THNSL1: variants seen among roughly 807,000 people sequenced by gnomAD.
THNSL1 encodes the protein threonine synthase like 1, also known as threonine synthase-like 1.
In THNSL1, 48 loss-of-function variants were observed where a neutral mutation model predicts 50.4. The observed-to-expected ratio is 0.95, with a 90% confidence interval of 0.76 to 1.21. The LOEUF (loss-of-function observed/expected upper bound fraction) is 1.21, where lower values mean the gene tolerates loss of function less well. Among genes scored for constraint, THNSL1 ranks in the 50% most tolerant of loss-of-function variants. THNSL1 has a pLI of 0.00. For synonymous variants in THNSL1, 309 were observed against 306.1 expected (o/e 1.01, Z -0.10); for missense variants, 896 against 871.7 (o/e 1.03, Z -0.35).
chr10:25,015,159 A>G (rs1850537447), upstream of THNSL1, among the ~76,000 whole-genome samples: 1 of 152,226 alleles, frequency 6.6e-6, no homozygotes, highest in African/African-American at 2.4e-5. Flanking sequence ...AAGTCCCTAC[A>G]GATGGGAGTA....
chr10:24,985,694 A>G, the THNSL1 span, among the ~76,000 whole-genome samples: 1 of 152,260 alleles, frequency 6.6e-6, no homozygotes, highest in African/African-American at 2.4e-5. Flanking sequence ...TGGGCTCCAC[A>G]GACAAAATGG....
Position 25,025,787 on chromosome 10 carries a change from T to C in THNSL1, c.*332T>C, listed in dbSNP as rs559252442. 2.0e-3 allele frequency: 444 copies of C among 218,790 alleles called. 12 individuals carry two copies. The highest frequency in any genetic ancestry group is 6.6e-3 in the South Asian group (47 of 7,174). 13.6% of individuals were successfully genotyped at this position (218,790 alleles called of 1,614,324 possible). A position where few individuals can be genotyped will look rare whatever the true frequency, so the allele number is the denominator to read the frequency against. On this transcript the variant is annotated 3_prime_UTR_variant, in exon 3 of 3. Coordinates refer to ENST00000376356, the MANE Select transcript of THNSL1 (RefSeq NM_024838.5). ...GGTATACTATTTGGCGATTAAAATA[T>C]TTAAGCCCAGTTTTCAGGTACTACA... is the stretch of plus-strand genomic sequence containing the variant.
At chr10:24,967,641 T>C in the THNSL1 span, among the ~76,000 whole-genome samples, 1 of 152,114 alleles carries the variant, frequency 6.6e-6, no homozygotes, top group African/African-American at 2.4e-5. Context: ...ATGACTCCTA[T>C]GTGCGTGTGT....
At chr10:25,006,640 A>G in the THNSL1 span, among the ~76,000 whole-genome samples, 1 of 152,016 alleles carries the variant, frequency 6.6e-6, no homozygotes, top group East Asian at 1.9e-4. Context: ...TAGCCTCATC[A>G]AAAAAAACCT....
chr10:24,987,500 TCAGCCAGGCATGGTGGTATCC>T, the THNSL1 span, among the ~76,000 whole-genome samples: 1 of 151,810 alleles, frequency 6.6e-6, no homozygotes, highest in African/African-American at 2.4e-5. Flanking sequence ...TAAAAAAAAA[TCAGCCAGGCATGGTGGTATCC>T]CAGCTAGCAG....
At chr10:25,023,115 T>C in intron 2 of THNSL1, 61 bp from the exon 3 acceptor site, 3 of 1,030,832 alleles carry the variant, frequency 2.9e-6, no homozygotes, top group Non-Finnish European at 4.2e-6. Flanking sequence ...TTTAACAATC[T>C]ACTGTAATTA....
chr10:24,970,380 G>C, the THNSL1 span, among the ~76,000 whole-genome samples: 1 of 152,144 alleles, frequency 6.6e-6, no homozygotes, highest in Non-Finnish European at 1.5e-5. Flanking sequence ...ATGATAGATA[G>C]AGAGGAACTG....
At chr10:24,979,073 T>G in the THNSL1 span, among the ~76,000 whole-genome samples, 1 of 152,234 alleles carries the variant, frequency 6.6e-6, no homozygotes, top group Non-Finnish European at 1.5e-5. Context: ...AACCAGTGTT[T>G]ACGAATAAAT....
intron 1 of THNSL1, among the ~76,000 whole-genome samples, chr10:25,021,331 T>C (rs997834983): frequency 6.6e-6 from 1 of 152,210 alleles, no homozygotes; most frequent in African/African-American, 2.4e-5. Flanking sequence ...TTATTACATA[T>C]GAATATATAG....
At chr10:24,972,149 G>A in the THNSL1 span, among the ~76,000 whole-genome samples, 2 of 151,432 alleles carry the variant, frequency 1.3e-5, no homozygotes, top group Admixed American at 6.6e-5. Context: ...CCAAGATGGC[G>A]CCATTGCACT....
chr10:24,960,930 C>G, the THNSL1 span, among the ~76,000 whole-genome samples: 1 of 152,170 alleles, frequency 6.6e-6, no homozygotes, highest in African/African-American at 2.4e-5. Flanking sequence ...TACCTACACT[C>G]CCTTCCTCAG....
chr10:24,976,562 TC>T, the THNSL1 span, among the ~76,000 whole-genome samples: 1 of 152,246 alleles, frequency 6.6e-6, no homozygotes, highest in East Asian at 1.9e-4. Context: ...TGGTCTTGGC[TC>T]ACTGCAACCT....
the THNSL1 span, among the ~76,000 whole-genome samples, chr10:24,986,106 T>C: frequency 3.3e-5 from 5 of 152,232 alleles, no homozygotes; most frequent in African/African-American, 1.2e-4. Flanking sequence ...AAACTTAAAA[T>C]ACTGCCTTGA....
At chr10:24,984,846 T>C in the THNSL1 span, 1 of 1,613,676 alleles carries the variant, frequency 6.2e-7, no homozygotes, top group Non-Finnish European at 8.5e-7. Context: ...GTATAGAATC[T>C]ATAAAGACCG....
chr10:25,025,449 C>T lies in THNSL1; in HGVS notation c.2226C>T (p.Phe742=). Reference sequence around the variant, plus strand: ...TGGAACAACTTGTCCAAAATCAATTCATATGAAAGCTTTCAGAGTAAATTT... The same window carrying T: ...TGGAACAACTTGTCCAAAATCAATTTATATGAAAGCTTTCAGAGTAAATTT... ...SHVEQLVQNQ[F]I The change falls in exon 3 of 3, where the codon TTC becomes TTT. Residue 742 remains phenylalanine, a synonymous_variant. Coordinates refer to ENST00000376356, the MANE Select transcript of THNSL1 (RefSeq NM_024838.5). 6.3e-7 allele frequency: 1 copy of T among 1,593,084 alleles called. No homozygotes were observed. Among genetic ancestry groups the T allele is most frequent in the South Asian group, 1.2e-5 (1 of 86,930 alleles).
At chr10:24,984,917 C>A in the THNSL1 span, 2 of 1,605,480 alleles carry the variant, frequency 1.2e-6, no homozygotes, top group South Asian at 2.3e-5. Flanking sequence ...TGCAAATGGT[C>A]AAGAAACTTG....
chr10:24,984,305 A>G, the THNSL1 span: 1 of 1,564,678 alleles, frequency 6.4e-7, no homozygotes, highest in Admixed American at 1.8e-5. Flanking sequence ...TAGAGTAGCA[A>G]GAAGGCACGT....
Position 25,024,267 on chromosome 10 carries a change from A to G in THNSL1, c.1044A>G (p.Gly348=), listed in dbSNP as rs556732631. The change falls in exon 3 of 3, where the codon GGA becomes GGG. Residue 348 remains glycine, a synonymous_variant. Coordinates refer to ENST00000376356, the MANE Select transcript of THNSL1 (RefSeq NM_024838.5). ...FILELFHGPT[G]SFKDLSLQLM... is the part of the protein sequence containing the mutation. ...TGGAGTTGTTTCATGGACCAACAGG[A>G]TCATTTAAAGATTTGTCTTTACAGC... The G allele has an allele frequency of 1.2e-5, 20 of 1,614,200 alleles. No homozygotes were observed. The East Asian group carries it at 2.7e-4, about 22-fold the overall frequency.
At chr10:24,981,512 C>G in the THNSL1 span, among the ~76,000 whole-genome samples, 59,854 of 151,958 alleles carry the variant, frequency 0.39, 12,186 homozygotes, top group East Asian at 0.48. Context: ...AACAAGTCCT[C>G]TCCTGCAACC....
Sources: allele counts gnomAD v4.1 joint callset (sites outside exome capture counted in the v4.1 genomes callset), GRCh38; gene constraint gnomAD v4.1.1; transcripts MANE v1.5; gene names NCBI Gene and HGNC (gene_info 2026-07-23, HGNC 2026-07-21).